CDH2: variants seen among roughly 807,000 people sequenced by gnomAD.
CDH2 encodes the protein cadherin 2.
Under a neutral mutation model 92.0 loss-of-function variants are expected in CDH2, and 17 were observed. That is an observed-to-expected ratio of 0.18 (90% CI 0.13 to 0.28). CDH2 has a LOEUF of 0.28. CDH2 is among the 10% of genes least tolerant of loss of function. The pLI is 1.00. For missense variants in CDH2, 862 were observed against 1,133.1 expected, an observed-to-expected ratio of 0.76 and a Z score of 3.44; for synonymous variants, 419 against 415.9, an observed-to-expected ratio of 1.01 and a Z score of -0.09.
At chr18:28,059,852 T>C (rs2014365821) in intron 2 of CDH2, among the ~76,000 whole-genome samples, 1 of 152,232 alleles carries the variant, frequency 6.6e-6, no homozygotes. Context: ...GTCTCTTCTT[T>C]AATCTATGTA....
chr18:28,040,994 C>T lies in CDH2; in HGVS notation c.173-27085G>A, dbSNP rs653151. The stretch of plus-strand genomic sequence containing the variant: ...ATAAAGTACCAGACCCAGGATGACA[C>T]AGTGGTGGAACTAAGAATGTTTGAA... On this transcript the variant is annotated intron_variant, in intron 2 of 15. Transcript: ENST00000269141. Among the ~76,000 whole-genome samples the T allele has an allele frequency of 5.3e-3, 801 of 152,270 alleles. 7 individuals are homozygous for T. Among genetic ancestry groups the T allele is most frequent in the African/African-American group, 0.019 (770 of 41,544 alleles).
intron 2 of CDH2, among the ~76,000 whole-genome samples, chr18:28,109,365 G>A (rs2015374134): frequency 6.6e-6 from 1 of 152,118 alleles, no homozygotes; most frequent in African/African-American, 2.4e-5. Flanking sequence ...CCAATTTTAA[G>A]TGGAGGAATT....
intron 9 of CDH2, among the ~76,000 whole-genome samples, chr18:27,992,274 G>A (rs1669456014): frequency 6.6e-6 from 1 of 152,064 alleles, no homozygotes. Context: ...GATATATCAT[G>A]AATATATCAA....
In CDH2 at chr18:27,985,663, C is replaced by T. The variant is rs750540712; in HGVS notation, c.1840G>A (p.Glu614Lys). ...TTAATTGAATTGGGGTCTGGAGTTTCGCAAGTCTCTGCCTCTTGAGGTAAC... is the reference window on the plus strand; with the variant it reads ...TTAATTGAATTGGGGTCTGGAGTTTTGCAAGTCTCTGCCTCTTGAGGTAAC... ...QVLPQEAETC[E>K]TPDPNSINIT... Residue 614 changes from glutamate (E) to lysine (K), a missense_variant, in exon 12 of 16, where the codon GAA becomes AAA. By Grantham distance (56) the Glu-to-Lys change is moderately conservative (BLOSUM62 1). Coordinates refer to ENST00000269141, the MANE Select transcript of CDH2 (RefSeq NM_001792.5). 21 of 1,613,632 alleles carry T rather than the reference C, an allele frequency of 1.3e-5. No homozygotes were observed. Among genetic ancestry groups the T allele is most frequent in the Middle Eastern group, 3.3e-4 (2 of 6,084 alleles).
Position 27,996,038 on chromosome 18 carries a change from C to G in CDH2, c.1021-2401G>C, listed in dbSNP as rs10502506. ...CCACTCTCATAGTACCTCAGCTGATCAAGGGGATTCTGCTTGAAAACTTCT... is the reference window on the plus strand; with the variant it reads ...CCACTCTCATAGTACCTCAGCTGATGAAGGGGATTCTGCTTGAAAACTTCT... On this transcript the variant is annotated intron_variant, in intron 7 of 15. Coordinates refer to ENST00000269141, the MANE Select transcript of CDH2 (RefSeq NM_001792.5). Among the ~76,000 whole-genome samples the G allele has an allele frequency of 9.4e-3, 1,434 of 151,964 alleles. 30 individuals carry two copies. The highest frequency in any genetic ancestry group is 0.033 in the African/African-American group (1,377 of 41,444).
At chr18:28,001,219 C>T (rs182242425) in intron 7 of CDH2, among the ~76,000 whole-genome samples, 127 of 152,296 alleles carry the variant, frequency 8.3e-4, no homozygotes, top group African/African-American at 3.0e-3. Context: ...TATGGCCTCA[C>T]GTCAGGCTTT....
chr18:28,006,712 T>A (rs1430909360), intron 5 of CDH2, among the ~76,000 whole-genome samples: 3 of 117,252 alleles, frequency 2.6e-5, no homozygotes, highest in African/African-American at 1.0e-4. Context: ...AGTGGGACTC[T>A]GTCTCAAAAA....
intron 2 of CDH2, among the ~76,000 whole-genome samples, chr18:28,102,116 G>T (rs1220026): frequency 0.24 from 36,435 of 152,030 alleles, 4,684 homozygotes; most frequent in East Asian, 0.35. Context: ...CTAGAAATTT[G>T]CCTGTGTCCT....
chr18:28,035,612 A>T (rs2013806857), intron 2 of CDH2, among the ~76,000 whole-genome samples: 1 of 152,160 alleles, frequency 6.6e-6, no homozygotes, highest in African/African-American at 2.4e-5. Flanking sequence ...GACGTATGTA[A>T]CACAAATGAC....
At chr18:27,977,188 C>T (rs963801949) in intron 14 of CDH2, among the ~76,000 whole-genome samples, 10 of 152,026 alleles carry the variant, frequency 6.6e-5, no homozygotes, top group Non-Finnish European at 1.0e-4. Context: ...TCTGTTCAAC[C>T]GCTAACAGCC....
intron 2 of CDH2, among the ~76,000 whole-genome samples, chr18:28,059,957 A>G (rs1207298397): frequency 6.6e-6 from 1 of 152,102 alleles, no homozygotes; most frequent in Admixed American, 6.6e-5. Flanking sequence ...TGCAGATTCA[A>G]ATTCTCTAAT....
chr18:28,112,668 T>A (rs1022618006), intron 2 of CDH2, among the ~76,000 whole-genome samples: 2 of 152,132 alleles, frequency 1.3e-5, no homozygotes, highest in Admixed American at 1.3e-4. Flanking sequence ...TATCTTCTAA[T>A]TAGTCATTCA....
intron 6 of CDH2, among the ~76,000 whole-genome samples, chr18:27,945,424 T>C (rs1362011661): frequency 6.9e-6 from 1 of 144,726 alleles, no homozygotes; most frequent in Non-Finnish European, 1.5e-5. Flanking sequence ...GATCTCAAAG[T>C]CATCTTGTAT....
chr18:27,990,265 G>C lies in CDH2; in HGVS notation c.1430C>G (p.Pro477Arg). The C allele has an allele frequency of 6.2e-7, 1 of 1,613,904 alleles. No homozygotes were observed. Among genetic ancestry groups the C allele is most frequent in the East Asian group, 2.2e-5 (1 of 44,874 alleles). ...AGACACGGTTGCAGTTGACTGAGGG[G>C]GGTGCTGAATTCCCTTGGCTAATGG... Reference protein sequence around the residue: ...QVPLAKGIQHPPQSTATVSVT... With the variant: ...QVPLAKGIQHRPQSTATVSVT... Residue 477 changes from proline (P) to arginine (R), a missense_variant, in exon 10 of 16, where the codon CCC (proline) becomes CGC (arginine). Physicochemically the swap from Pro to Arg is moderately radical, Grantham distance 103. This residue lies in a region of CDH2 where 564 missense variants were observed against 722.2 expected (regional missense o/e 0.78). Coordinates refer to ENST00000269141, the MANE Select transcript of CDH2 (RefSeq NM_001792.5).
rs546282837 is a variant in CDH2, at chr18:28,030,604, C to T, written c.173-16695G>A. On this transcript the variant is annotated intron_variant, in intron 2 of 15. Transcript: ENST00000269141. Reference sequence around the variant, plus strand: ...GCCTGGATAGGGAACAAGTGGAGGACAAGTGGAAGTTCAGCCTTTGCAGGG... The same window carrying T: ...GCCTGGATAGGGAACAAGTGGAGGATAAGTGGAAGTTCAGCCTTTGCAGGG... Among the ~76,000 whole-genome samples the T allele has an allele frequency of 7.2e-5, 11 of 151,998 alleles. No homozygotes were observed. The South Asian group carries it at 2.3e-3, about 32-fold the overall frequency.
chr18:28,088,279 GA>G (rs1196879507), intron 2 of CDH2, among the ~76,000 whole-genome samples: 1 of 152,058 alleles, frequency 6.6e-6, no homozygotes, highest in African/African-American at 2.4e-5. Context: ...CTACATTTTT[GA>G]AGATATAAAC....
chr18:28,036,822 T>G (rs542609825), intron 2 of CDH2, among the ~76,000 whole-genome samples: 89 of 152,250 alleles, frequency 5.8e-4, no homozygotes, highest in Non-Finnish European at 8.2e-4. Context: ...CTTTTGTCTG[T>G]TTGCAAAACA....
At chr18:28,002,153 G>A (rs1209996191) in intron 7 of CDH2, among the ~76,000 whole-genome samples, 1 of 152,176 alleles carries the variant, frequency 6.6e-6, no homozygotes, top group East Asian at 1.9e-4. Flanking sequence ...GGGTTTTCAG[G>A]AAAGAATATG....
chr18:28,087,870 A>C (rs939016592), intron 2 of CDH2, among the ~76,000 whole-genome samples: 1 of 152,192 alleles, frequency 6.6e-6, no homozygotes, highest in Non-Finnish European at 1.5e-5. Context: ...CCCTGGGACC[A>C]AGAAATTATA....
Sources: allele counts gnomAD v4.1 joint callset (sites outside exome capture counted in the v4.1 genomes callset), GRCh38; gene constraint gnomAD v4.1.1; regional missense constraint gnomAD v4.1.1; transcripts MANE v1.5; gene names NCBI Gene and HGNC (gene_info 2026-07-23, HGNC 2026-07-21).